The following SRSF1 variants were observed in gnomAD, a reference collection of about 807,000 sequenced individuals.
SRSF1 encodes the protein serine and arginine rich splicing factor 1, also known as serine/arginine-rich splicing factor 1.
A neutral mutation model predicts 25.9 loss-of-function variants in SRSF1; 1 was observed. That is an observed-to-expected ratio of 0.04 (90% CI 0.01 to 0.18). SRSF1 has a LOEUF of 0.18. Ranked by LOEUF, SRSF1 falls within the 10% of genes least tolerant of loss-of-function variation. The pLI is 1.00. For synonymous variants in SRSF1, 132 were observed against 126.2 expected (o/e 1.05, Z -0.31); for missense variants, 65 against 350.5 (o/e 0.19, Z 6.50).
downstream of SRSF1, among the ~76,000 whole-genome samples, chr17:57,999,513 GA>G (rs2075377613): frequency 6.6e-6 from 1 of 152,192 alleles, no homozygotes; most frequent in Non-Finnish European, 1.5e-5. Flanking sequence ...AAAAGGGGAA[GA>G]ATTTTACACA....
rs1482499182 is a variant in SRSF1, at chr17:58,003,783, A to G, written c.*1623T>C. On this transcript the variant is annotated 3_prime_UTR_variant, in exon 4 of 4. Transcript: ENST00000258962. ...CTTAAGGGCTCCAATCGTCAAAAAT[A>G]GGAAAAAAAAAATCTTTGGAATAGC... 1.3e-5 allele frequency: 2 copies of G among 152,600 alleles called. No individual in the cohort carries two copies. The highest frequency in any genetic ancestry group is 1.5e-5 in the Non-Finnish European group (1 of 68,032). The allele number at this position is 152,600 out of a possible 1,614,324, so 9.5% of individuals were successfully genotyped here.
chr17:57,997,549 G>A (rs560634627), downstream of SRSF1, among the ~76,000 whole-genome samples: 1 of 152,138 alleles, frequency 6.6e-6, no homozygotes, highest in Non-Finnish European at 1.5e-5. Flanking sequence ...ATTGAGAACA[G>A]GATAAATTGG....
In SRSF1 at chr17:58,007,191, C is replaced by T. The variant is rs1012194525; in HGVS notation, c.-54G>A. 9 of 1,596,406 alleles carry T rather than the reference C, an allele frequency of 5.6e-6. No homozygotes were observed. The African/African-American group carries it at 1.1e-4, about 19-fold the overall frequency. On this transcript the variant is annotated 5_prime_UTR_variant, in exon 1 of 4. Transcript: ENST00000258962. ...ACAGGCCTTCCCACCAAGCCTAGCGCACGGCAGAGCGAGCCCGCAGCGGCA... is the reference window on the plus strand; with the variant it reads ...ACAGGCCTTCCCACCAAGCCTAGCGTACGGCAGAGCGAGCCCGCAGCGGCA...
At chr17:57,994,212 A>G in the SRSF1 span, 1 of 152,224 alleles carries the variant, frequency 6.6e-6, no homozygotes, top group Non-Finnish European at 1.5e-5. Context: ...TTTTACTACT[A>G]CAGTAATTTT....
Position 58,002,334 on chromosome 17 carries a change from G to T in SRSF1, c.*3072C>A, listed in dbSNP as rs1032680379. Among the ~76,000 whole-genome samples, 1 of 152,168 alleles carries T rather than the reference G, an allele frequency of 6.6e-6. No individual in the cohort carries two copies. Among genetic ancestry groups the T allele is most frequent in the African/African-American group, 2.4e-5 (1 of 41,440 alleles). On this transcript the variant is annotated 3_prime_UTR_variant, in exon 4 of 4. Coordinates refer to ENST00000258962, the MANE Select transcript of SRSF1 (RefSeq NM_006924.5). Reference sequence around the variant, plus strand: ...TTCATTAAAATCTACCGATTGGGGTGACCTTACACATTTCTTCCACTACCA... The same window carrying T: ...TTCATTAAAATCTACCGATTGGGGTTACCTTACACATTTCTTCCACTACCA...
rs891952439 is a variant in SRSF1, at chr17:58,003,132, C to T, written c.*2274G>A. Among the ~76,000 whole-genome samples the T allele has an allele frequency of 1.3e-5, 2 of 152,204 alleles. No individual in the cohort carries two copies. Among genetic ancestry groups the T allele is most frequent in the African/African-American group, 4.8e-5 (2 of 41,456 alleles). ...TCTCCAAGTGAACATTAGTAGCCAT[C>T]AACCAATTTTGCACAAAAGCCTATG... On this transcript the variant is annotated 3_prime_UTR_variant, in exon 4 of 4. Transcript: ENST00000258962.
At chr17:57,992,210 A>G in the SRSF1 span, 1 of 152,250 alleles carries the variant, frequency 6.6e-6, no homozygotes, top group African/African-American at 2.4e-5. Context: ...ACAAATCGCA[A>G]GTAAAATAGC....
downstream of SRSF1, among the ~76,000 whole-genome samples, chr17:57,999,020 CAG>C (rs1322746777): frequency 6.6e-6 from 1 of 152,118 alleles, no homozygotes; most frequent in Non-Finnish European, 1.5e-5. Flanking sequence ...ATGGGAATGA[CAG>C]ATACTAAAAG....
At chr17:57,996,536 A>G (rs8071344), downstream of SRSF1, among the ~76,000 whole-genome samples, 12,807 of 150,546 alleles carry the variant, frequency 0.085, 686 homozygotes, top group African/African-American at 0.15. Flanking sequence ...ATGTAGCTGA[A>G]GAAAACAAAG....
intron 2 of SRSF1, 77 bp downstream of exon 2, chr17:58,006,248 ATGAAAAATTTGCAATTAT>A: frequency 7.0e-7 from 1 of 1,428,912 alleles, no homozygotes; most frequent in Non-Finnish European, 9.5e-7. Flanking sequence ...AAGACCTAGC[ATGAAAAATTTGCAATTAT>A]TAAACCTGTC....
rs980809723 is a variant in SRSF1 at position 58,002,780 on chromosome 17, G to A, written c.*2626C>T. Among the ~76,000 whole-genome samples the A allele has an allele frequency of 6.6e-6, 1 of 152,218 alleles. No homozygotes were observed. Among genetic ancestry groups the A allele is most frequent in the Admixed American group, 6.5e-5 (1 of 15,276 alleles). On this transcript the variant is annotated 3_prime_UTR_variant, in exon 4 of 4. Coordinates refer to ENST00000258962, the MANE Select transcript of SRSF1 (RefSeq NM_006924.5). ...TAATCCTAACACTTTGGGAGGCCAA[G>A]GCAGGCAGATCACTTGAGGCCAGGA...
In SRSF1 at chr17:58,004,913, G is replaced by A. The variant is rs1263963506; in HGVS notation, c.*493C>T. On this transcript the variant is annotated 3_prime_UTR_variant, in exon 4 of 4. Coordinates refer to ENST00000258962, the MANE Select transcript of SRSF1 (RefSeq NM_006924.5). ...AATTTCATCTGTGACAATAGCACTT[G>A]GAGTCATACCATTGCCTCCATTATT... 1 of 401,266 alleles carries A rather than the reference G, an allele frequency of 2.5e-6. No individual in the cohort carries two copies. The highest frequency in any genetic ancestry group is 4.3e-5 in the Admixed American group (1 of 23,194). 24.9% of individuals were successfully genotyped at this position (401,266 alleles called of 1,614,324 possible).
the SRSF1 span, chr17:57,993,959 CAG>C: frequency 1.3e-5 from 2 of 152,288 alleles, no homozygotes; most frequent in Admixed American, 1.3e-4. Context: ...AATGAATGCT[CAG>C]AGAGCAGATG....
At chr17:57,997,250 T>A (rs1489825121), downstream of SRSF1, among the ~76,000 whole-genome samples, 1 of 152,200 alleles carries the variant, frequency 6.6e-6, no homozygotes, top group Non-Finnish European at 1.5e-5. Context: ...TACTTGGACT[T>A]AGGCTAGCAT....
In SRSF1 at chr17:58,001,187, A is replaced by C. The variant is rs948391760; in HGVS notation, c.*4219T>G. On this transcript the variant is annotated 3_prime_UTR_variant, in exon 4 of 4. Coordinates refer to ENST00000258962, the MANE Select transcript of SRSF1 (RefSeq NM_006924.5). ...ATACAAAGTAAGCAAAAAGGCACAC[A>C]TAAGAAATCCACCTTGACCACAGAA... 1.3e-5 allele frequency among the ~76,000 whole-genome samples: 2 copies of C among 152,190 alleles called. No homozygotes were observed. The highest frequency in any genetic ancestry group is 2.4e-5 in the African/African-American group (1 of 41,450).
At chr17:57,998,271 T>C (rs1048017673), downstream of SRSF1, among the ~76,000 whole-genome samples, 4 of 152,176 alleles carry the variant, frequency 2.6e-5, no homozygotes, top group African/African-American at 4.8e-5. Context: ...TTCAAATTTC[T>C]ACCACCGTTA....
chr17:58,000,834 G>C (rs767075309), downstream of SRSF1, among the ~76,000 whole-genome samples: 7 of 152,110 alleles, frequency 4.6e-5, no homozygotes, highest in Non-Finnish European at 8.8e-5. Flanking sequence ...AAAACCCTCA[G>C]CAAAGTCTGT....
At position 58,007,233 on chromosome 17, in the gene SRSF1, C is replaced by T. The variant is rs961536788; in HGVS notation, c.-96G>A. 1.8e-5 allele frequency: 26 copies of T among 1,460,954 alleles called. No homozygotes were observed. Among genetic ancestry groups the T allele is most frequent in the African/African-American group, 1.7e-4 (12 of 71,894 alleles). The allele number at this position is 1,460,954 out of a possible 1,614,324, so 90.5% of individuals were successfully genotyped here. A position where few individuals can be genotyped will look rare whatever the true frequency, so the allele number is the denominator to read the frequency against. On this transcript the variant is annotated 5_prime_UTR_variant, in exon 1 of 4. Transcript: ENST00000258962. ...GCAGCGGCACCACGTCTCCCGCGGC[C>T]CCTCCAAAATGGCGCCTTTATCAGC...
rs2075410477 is a variant in SRSF1 at position 58,004,084 on chromosome 17, A to C, written c.*1322T>G. 1 of 152,678 alleles carries C rather than the reference A, an allele frequency of 6.5e-6. No homozygotes were observed. The highest frequency in any genetic ancestry group is 6.5e-5 in the Admixed American group (1 of 15,288). The allele number at this position is 152,678 out of a possible 1,614,324, so 9.5% of individuals were successfully genotyped here. The stretch of plus-strand genomic sequence containing the variant: ...AAAGGTTTCTGGGGAATGATGAGTT[A>C]TGTCTGTCATCAGTTTAACAGATGC... On this transcript the variant is annotated 3_prime_UTR_variant, in exon 4 of 4. Transcript: ENST00000258962.
Sources: allele counts gnomAD v4.1 joint callset (sites outside exome capture counted in the v4.1 genomes callset), GRCh38; gene constraint gnomAD v4.1.1; transcripts MANE v1.5; gene names NCBI Gene and HGNC (gene_info 2026-07-23, HGNC 2026-07-21).